The following CHD7 variants were observed in gnomAD, a reference collection of about 807,000 sequenced individuals.
The protein encoded by CHD7 is chromodomain helicase DNA binding protein 7.
CHD7 carries 24 observed loss-of-function variants against 307.3 expected under a neutral mutation model. The observed-to-expected ratio is 0.08, with a 90% confidence interval of 0.06 to 0.11. The LOEUF is 0.11. Ranked by LOEUF, CHD7 falls within the 10% of genes least tolerant of loss-of-function variation. The pLI is 1.00. For missense variants in CHD7, 3,106 were observed against 3,727.1 expected, an observed-to-expected ratio of 0.83 and a Z score of 4.34; for synonymous variants, 1,363 against 1,349.9, an observed-to-expected ratio of 1.01 and a Z score of -0.21.
intron 6 of CHD7, among the ~76,000 whole-genome samples, chr8:60,802,550 A>T (rs1371821262): frequency 1.3e-5 from 2 of 152,168 alleles, no homozygotes; most frequent in East Asian, 3.8e-4. Context: ...AATAATATAT[A>T]ATAAAGACAT....
intron 2 of CHD7, among the ~76,000 whole-genome samples, chr8:60,771,301 T>C (rs2150645022): frequency 6.6e-6 from 1 of 152,354 alleles, no homozygotes; most frequent in Admixed American, 6.5e-5. Context: ...GTTGACTATC[T>C]CTCATTCAAA....
intron 1 of CHD7, among the ~76,000 whole-genome samples, chr8:60,693,088 A>G (rs11997122): frequency 0.65 from 99,345 of 152,034 alleles, 34,535 homozygotes; most frequent in East Asian, 0.93. Flanking sequence ...TGGTGGTGTC[A>G]GGTCCTGGCA....
At chr8:60,848,903 A>G in intron 24 of CHD7, 148 bp from the exon 25 acceptor site, 1 of 696,796 alleles carries the variant, frequency 1.4e-6, no homozygotes, top group Non-Finnish European at 2.5e-6. Context: ...AGGGCTACTG[A>G]CTCATGCCCT....
chr8:60,855,946 AT>A (rs1302103260), intron 32 of CHD7, 28 bp from the exon 33 acceptor site: 1 of 1,483,132 alleles, frequency 6.7e-7, no homozygotes. Context: ...CTTTGTTAAA[AT>A]TTCTTGTGAC....
At chr8:60,803,646 G>C (rs1483111074) in intron 6 of CHD7, among the ~76,000 whole-genome samples, 1 of 152,130 alleles carries the variant, frequency 6.6e-6, no homozygotes, top group East Asian at 1.9e-4. Context: ...GAGATGTGGA[G>C]CTCATGGAAT....
chr8:60,702,908 A>G (rs1365798209), intron 1 of CHD7, among the ~76,000 whole-genome samples: 1 of 152,160 alleles, frequency 6.6e-6, no homozygotes, highest in Non-Finnish European at 1.5e-5. Context: ...TGAGCGAGAG[A>G]GCGCCACATA....
chr8:60,723,332 T>C (rs1389689472), intron 1 of CHD7, among the ~76,000 whole-genome samples: 2 of 152,222 alleles, frequency 1.3e-5, no homozygotes, highest in Non-Finnish European at 1.5e-5. Flanking sequence ...TACTCAAGTC[T>C]GTATAACCGT....
At position 60,762,480 on chromosome 8, in the gene CHD7, G is replaced by T. The variant is rs140507614; in HGVS notation, c.1666-18520G>T. On this transcript the variant is annotated intron_variant, in intron 2 of 37. Coordinates refer to ENST00000423902, the MANE Select transcript of CHD7 (RefSeq NM_017780.4). ...CACTTAGTGAGCTGTGTGGCCTGGG[G>T]TGAATTACATAGCTTCTCTGTGCCT... is the stretch of plus-strand genomic sequence containing the variant. Among the ~76,000 whole-genome samples, 27 of 152,274 alleles carry T rather than the reference G, an allele frequency of 1.8e-4. 1 individual carries two copies. The highest frequency in any genetic ancestry group is 1.2e-3 in the East Asian group (6 of 5,184).
chr8:60,757,110 T>C (rs1011291377), intron 2 of CHD7, among the ~76,000 whole-genome samples: 7 of 152,124 alleles, frequency 4.6e-5, no homozygotes, highest in African/African-American at 1.7e-4. Flanking sequence ...CCTTAAAAAA[T>C]GACTGTAGGA....
At chr8:60,783,181 G>A (rs1811341967) in intron 3 of CHD7, among the ~76,000 whole-genome samples, 2 of 152,150 alleles carry the variant, frequency 1.3e-5, no homozygotes, top group African/African-American at 4.8e-5. Context: ...TTCCAAGTAT[G>A]TCTTTTTAAG....
chr8:60,779,152 AAATCACCTATC>A (rs1202345430), intron 2 of CHD7, among the ~76,000 whole-genome samples: 1 of 152,238 alleles, frequency 6.6e-6, no homozygotes, highest in Non-Finnish European at 1.5e-5. Flanking sequence ...GAAACTTTGG[AAATCACCTATC>A]AATCACCTAA....
At chr8:60,776,471 C>T (rs1042056731) in intron 2 of CHD7, among the ~76,000 whole-genome samples, 18 of 152,226 alleles carry the variant, frequency 1.2e-4, no homozygotes, top group African/African-American at 4.3e-4. Flanking sequence ...TGCAGCCACC[C>T]AGTCTCAGGC....
intron 9 of CHD7, 67 bp downstream of exon 9, chr8:60,820,157 T>C: frequency 3.9e-6 from 4 of 1,025,706 alleles, no homozygotes; most frequent in East Asian, 2.6e-5. Flanking sequence ...ATAGAGAAGA[T>C]GGTAGAATCC....
chr8:60,709,079 C>T (rs1416569059), intron 1 of CHD7, among the ~76,000 whole-genome samples: 1 of 152,174 alleles, frequency 6.6e-6, no homozygotes, highest in Admixed American at 6.5e-5. Flanking sequence ...TATTGCACTT[C>T]ATTATCTACG....
chr8:60,850,481 G>T lies in CHD7; in HGVS notation c.5405-12G>T. ...TCTGTGTGTTTTCTGTGCACGGATG[G>T]GCACGGCACAGGCTATGAGAAGTAC... On this transcript the variant is annotated splice_polypyrimidine_tract_variant and intron_variant, in intron 25 of 37. Transcript: ENST00000423902. 1.9e-6 allele frequency: 3 copies of T among 1,598,326 alleles called. No homozygotes were observed. The highest frequency in any genetic ancestry group is 2.6e-6 in the Non-Finnish European group (3 of 1,166,878).
At chr8:60,752,169 G>C (rs574117600) in intron 2 of CHD7, among the ~76,000 whole-genome samples, 4 of 152,196 alleles carry the variant, frequency 2.6e-5, no homozygotes, top group African/African-American at 7.2e-5. Context: ...GTGTAACTTG[G>C]CTCACTGTGT....
At chr8:60,816,365 G>A in intron 7 of CHD7, 22 bp from the exon 8 acceptor site, 1 of 1,227,414 alleles carries the variant, frequency 8.1e-7, no homozygotes, top group East Asian at 2.4e-5. Context: ...CATATTTCAA[G>A]GATATTGTTT....
rs1173537400 is a variant in CHD7, at chr8:60,781,417, A to G, written c.2083A>G (p.Ser695Gly). The change falls in exon 3 of 38, where the codon AGC (serine) becomes GGC (glycine). Residue 695 changes from serine to glycine, a missense_variant. Physicochemically the swap from Ser to Gly is moderately conservative, Grantham distance 56 (BLOSUM62 0). This residue lies in a region of CHD7 where 998 missense variants were observed against 1,004.5 expected (regional missense o/e 0.99). Coordinates refer to ENST00000423902, the MANE Select transcript of CHD7 (RefSeq NM_017780.4). The stretch of plus-strand genomic sequence containing the variant: ...AACTGCCACGCCAAAACCCAAATCC[A>G]GCAAAAAGTCAAGGTAGGCTGTGGG... ...AKTATPKPKS[S>G]KKSSNKKPDS... 6.6e-7 allele frequency: 1 copy of G among 1,524,418 alleles called. No homozygotes were observed. The highest frequency in any genetic ancestry group is 8.7e-7 in the Non-Finnish European group (1 of 1,145,038). 94.4% of individuals were successfully genotyped at this position (1,524,418 alleles called of 1,614,324 possible).
chr8:60,684,363 CG>C (rs1305531926), intron 1 of CHD7, among the ~76,000 whole-genome samples: 1 of 152,070 alleles, frequency 6.6e-6, no homozygotes, highest in Non-Finnish European at 1.5e-5. Context: ...CTCATTGATT[CG>C]GCTGTTTGTT....
Sources: allele counts gnomAD v4.1 joint callset (sites outside exome capture counted in the v4.1 genomes callset), GRCh38; gene constraint gnomAD v4.1.1; regional missense constraint gnomAD v4.1.1; transcripts MANE v1.5; gene names NCBI Gene and HGNC (gene_info 2026-07-23, HGNC 2026-07-21).